Variants in ADARB1 observed in about 807,000 individuals in gnomAD.
ADARB1 encodes double-stranded RNA-specific editase 1.
Under a neutral mutation model 52.4 loss-of-function variants are expected in ADARB1, and 10 were observed. The observed-to-expected ratio is 0.19, with a 90% CI of 0.12 to 0.32. The LOEUF (loss-of-function observed/expected upper bound fraction) is 0.32. ADARB1 is among the 10% of genes least tolerant of loss of function. The pLI is 1.00. For missense variants in ADARB1, 643 were observed against 922.3 expected (o/e 0.70, Z 3.92); for synonymous variants, 349 against 371.1 (o/e 0.94, Z 0.68).
chr21:45,207,815 A>G (rs2092695428), intron 9 of ADARB1, among the ~76,000 whole-genome samples: 1 of 152,258 alleles, frequency 6.6e-6, no homozygotes, highest in African/African-American at 2.4e-5. Flanking sequence ...AAAAATGGAC[A>G]TAAATGAATA....
intron 1 of ADARB1, among the ~76,000 whole-genome samples, chr21:45,090,507 G>A (rs1050377748): frequency 2.6e-5 from 4 of 152,076 alleles, no homozygotes; most frequent in African/African-American, 4.8e-5. Context: ...TGTCCCTACC[G>A]TGCCCTATTT....
chr21:45,177,850 T>C (rs1207112949), intron 4 of ADARB1, among the ~76,000 whole-genome samples: 2 of 152,194 alleles, frequency 1.3e-5, no homozygotes, highest in African/African-American at 2.4e-5. Flanking sequence ...GCAACATCAG[T>C]ATAAAATAAT....
At chr21:45,134,705 T>C (rs2145862968) in intron 2 of ADARB1, 1 of 458,498 alleles carries the variant, frequency 2.2e-6, no homozygotes, top group African/African-American at 2.1e-5. Flanking sequence ...TTTTTTTTTT[T>C]TTACACAAGA....
chr21:45,155,715 TCATC>T (rs2090523897), intron 2 of ADARB1, among the ~76,000 whole-genome samples: 1 of 146,376 alleles, frequency 6.8e-6, no homozygotes, highest in Non-Finnish European at 1.5e-5. Context: ...ACCCATCTAT[TCATC>T]CATCCACCCA....
At position 45,220,915 on chromosome 21, in the gene ADARB1, T is replaced by G; in HGVS notation, c.1827T>G (p.Ile609Met). ...SVNWTVGDSA[I>M]EVINATTGKD... ...ACTGGACGGTAGGCGACTCCGCTAT[T>G]GAGGTCATCAACGCCACGACTGGGA... is the stretch of plus-strand genomic sequence containing the variant. Residue 609 changes from isoleucine to methionine, a missense_variant, in exon 10 of 11, where the codon ATT (isoleucine) becomes ATG (methionine). Physicochemically the swap from Ile to Met is conservative, Grantham distance 10 (BLOSUM62 1). Coordinates refer to ENST00000348831, the MANE Select transcript of ADARB1 (RefSeq NM_001112.4). This position sits in a 1 kb window ranked among gnomAD's most constrained non-coding sequence, Gnocchi z 6.3. The G allele has an allele frequency of 6.2e-7, 1 of 1,613,482 alleles. No homozygotes were observed. The highest frequency in any genetic ancestry group is 8.5e-7 in the Non-Finnish European group (1 of 1,180,022).
At chr21:45,099,329 A>G (rs567946545) in intron 1 of ADARB1, among the ~76,000 whole-genome samples, 5 of 152,164 alleles carry the variant, frequency 3.3e-5, no homozygotes, top group South Asian at 4.1e-4. Context: ...AGCCTGTTAA[A>G]TTAGGGTCTT....
intron 6 of ADARB1, 44 bp from the exon 7 acceptor site, chr21:45,183,318 A>G (rs367739860): frequency 3.7e-5 from 58 of 1,554,948 alleles, no homozygotes; most frequent in Non-Finnish European, 4.6e-5. Context: ...AAATTTAACT[A>G]TATACAGCTT....
chr21:45,126,945 A>G (rs2088621342), intron 1 of ADARB1, among the ~76,000 whole-genome samples: 1 of 152,156 alleles, frequency 6.6e-6, no homozygotes, highest in South Asian at 2.1e-4. Flanking sequence ...ACTAGAACCC[A>G]GTTCTGTAAA....
chr21:45,202,194 CA>C (rs2092569447), intron 8 of ADARB1, among the ~76,000 whole-genome samples: 1 of 152,128 alleles, frequency 6.6e-6, no homozygotes, highest in South Asian at 2.1e-4. Context: ...ATGACACAGG[CA>C]GGGGGGCATG....
At chr21:45,131,907 C>G (rs1472087595) in intron 2 of ADARB1, among the ~76,000 whole-genome samples, 1 of 152,220 alleles carries the variant, frequency 6.6e-6, no homozygotes, top group Admixed American at 6.5e-5. Context: ...GCTCCGCAAG[C>G]CTCTGCGGGG....
intron 1 of ADARB1, among the ~76,000 whole-genome samples, chr21:45,100,109 T>C (rs80256955): frequency 0.071 from 10,858 of 152,270 alleles, 442 homozygotes; most frequent in East Asian, 0.15. Flanking sequence ...TTTAAAAATA[T>C]ATGTTTAAAA....
chr21:45,128,466 C>T lies in ADARB1; in HGVS notation c.-155C>T, dbSNP rs796087797. ...AACTGAAGGAGACACACTGGCCAAG[C>T]GCGGAGTTCTGCTTACTTCAGTCCT... On this transcript the variant is annotated 5_prime_UTR_variant, in exon 2 of 11. Coordinates refer to ENST00000348831, the MANE Select transcript of ADARB1 (RefSeq NM_001112.4). This position sits in a 1 kb window ranked among gnomAD's most constrained non-coding sequence, Gnocchi z 4.6. The T allele has an allele frequency of 1.3e-5, 2 of 152,176 alleles. No homozygotes were observed. Among genetic ancestry groups the T allele is most frequent in the Admixed American group, 1.3e-4 (2 of 15,288 alleles). 9.4% of individuals were successfully genotyped at this position (152,176 alleles called of 1,614,324 possible).
intron 1 of ADARB1, among the ~76,000 whole-genome samples, chr21:45,111,909 C>T (rs114137924): frequency 8.7e-4 from 132 of 152,314 alleles, no homozygotes; most frequent in African/African-American, 2.9e-3. Context: ...CGCACTTCAG[C>T]GTGAGTGGGT....
At position 45,094,008 on chromosome 21, in the gene ADARB1, G is replaced by A. The variant is rs529989163; in HGVS notation, c.-220+19215G>A. On this transcript the variant is annotated intron_variant, in intron 1 of 10. Transcript: ENST00000348831. ...GTGATTGTGATTGATCCAATTATTT[G>A]TCTGCCCATCCTGATTATAACTTTT... Among the ~76,000 whole-genome samples, 17 of 152,198 alleles carry A rather than the reference G, an allele frequency of 1.1e-4. No homozygotes were observed. The South Asian group carries it at 3.1e-3, about 28-fold the overall frequency.
In ADARB1 at chr21:45,176,558, C is replaced by T; in HGVS notation, c.857C>T (p.Ala286Val). The T allele has an allele frequency of 6.2e-7, 1 of 1,614,246 alleles. No homozygotes were observed. The highest frequency in any genetic ancestry group is 8.5e-7 in the Non-Finnish European group (1 of 1,180,046). ...GSGRNKKLAKARAAQSALAAI... is the reference protein window; with the variant it reads ...GSGRNKKLAKVRAAQSALAAI... ...GGGAGAAACAAGAAGCTTGCCAAGG[C>T]CCGGGCTGCGCAGTCTGCCCTGGCC... Residue 286 changes from alanine to valine, a missense_variant, in exon 4 of 11, where the codon GCC (alanine) becomes GTC (valine). Physicochemically the swap from Ala to Val is moderately conservative, Grantham distance 64. Transcript: ENST00000348831. This position sits in a 1 kb window ranked among gnomAD's most constrained non-coding sequence, Gnocchi z 5.8.
rs112479946 is a variant in ADARB1 at position 45,157,571 on chromosome 21, C to T, written c.-47-14039C>T. ...CCTGTGATTTTGTTGCTGGATGTCTCCTTCAGCAGTTCATGTGGCTTTCTA... is the reference window on the plus strand; with the variant it reads ...CCTGTGATTTTGTTGCTGGATGTCTTCTTCAGCAGTTCATGTGGCTTTCTA... On this transcript the variant is annotated intron_variant, in intron 2 of 10. Transcript: ENST00000348831. This position sits in a 1 kb window ranked among gnomAD's most constrained non-coding sequence, Gnocchi z 4.1. 0.011 allele frequency among the ~76,000 whole-genome samples: 1,747 copies of T among 152,266 alleles called. 16 individuals are homozygous for T. The highest frequency in any genetic ancestry group is 0.017 in the Non-Finnish European group (1,134 of 68,020).
chr21:45,088,290 A>C (rs1045066726), intron 1 of ADARB1, among the ~76,000 whole-genome samples: 2 of 152,228 alleles, frequency 1.3e-5, no homozygotes, highest in East Asian at 3.8e-4. Context: ...CTTGCAGAAG[A>C]TGAGTCTGGA....
chr21:45,225,267 T>TCATCAC lies in ADARB1; in HGVS notation c.*3072_*3077dup. The TCATCAC allele has an allele frequency of 8.7e-7, 1 of 1,151,552 alleles. No homozygotes were observed. Among genetic ancestry groups the TCATCAC allele is most frequent in the African/African-American group, 1.6e-5 (1 of 62,742 alleles). 71.3% of individuals were successfully genotyped at this position (1,151,552 alleles called of 1,614,324 possible). ...ATGTCGTCACCACCTTCCTCAGCTC[T>TCATCAC]CATCACCTGGTCGTACGCCAGGCCC... is the stretch of plus-strand genomic sequence containing the variant. On this transcript the variant is annotated 3_prime_UTR_variant, in exon 11 of 11. Transcript: ENST00000348831.
intron 1 of ADARB1, among the ~76,000 whole-genome samples, chr21:45,089,497 A>C (rs1470430787): frequency 4.6e-5 from 7 of 151,678 alleles, no homozygotes; most frequent in African/African-American, 1.7e-4. Context: ...CAAATTTATC[A>C]GTTTTTTTCC....
Sources: gnomAD v4.1 joint callset for allele counts (sites outside exome capture counted in the v4.1 genomes callset) on GRCh38, gnomAD v4.1.1 for gene constraint, Gnocchi (gnomAD v3.1) non-coding constraint, MANE v1.5 for transcripts, NCBI Gene and HGNC (gene_info 2026-07-23, HGNC 2026-07-21) for gene names.